Variants in SLC7A5 observed in about 807,000 individuals in gnomAD.
SLC7A5 encodes the protein large neutral amino acids transporter small subunit 1.
A neutral mutation model predicts 50.2 loss-of-function variants in SLC7A5; 23 were observed. The ratio of observed to expected loss-of-function variants is 0.46; its 90% CI spans 0.33 to 0.65. The LOEUF (loss-of-function observed/expected upper bound fraction) is 0.65. Ranked by LOEUF, SLC7A5 falls within the 30% of genes least tolerant of loss-of-function variation. SLC7A5 has a pLI of 0.02. For missense variants in SLC7A5, 578 were observed against 684.4 expected (o/e 0.84, Z 1.73); for synonymous variants, 393 against 330.6 (o/e 1.19, Z -2.05).
intron 1 of SLC7A5, among the ~76,000 whole-genome samples, chr16:87,856,059 C>T (rs991940641): frequency 2.6e-5 from 4 of 152,186 alleles, no homozygotes; most frequent in Admixed American, 6.5e-5. Flanking sequence ...CATGATCCTC[C>T]CGGGCCCCTT....
At chr16:87,859,256 G>A (rs1403967153) in intron 1 of SLC7A5, among the ~76,000 whole-genome samples, 4 of 152,168 alleles carry the variant, frequency 2.6e-5, no homozygotes, top group African/African-American at 7.2e-5. Context: ...GAGGCCCTGG[G>A]CTCTTCCAGT....
rs2055078667 is a variant in SLC7A5, at chr16:87,841,151, A to G, written c.669T>C (p.Asp223=). The change falls in exon 3 of 10, where the codon GAT becomes GAC. Residue 223 remains aspartate, a synonymous_variant. Coordinates refer to ENST00000261622, the MANE Select transcript of SLC7A5 (RefSeq NM_003486.7). This position sits in a 1 kb window ranked among gnomAD's most constrained non-coding sequence, Gnocchi z 4.8. ...AGAAGTTGGGATCTAGATTGGACAC[A>G]TCACCTGGCAGGGCCAAAGAAAGGA... is the stretch of plus-strand genomic sequence containing the variant. ...LLGFVQIGKG[D]VSNLDPNFSF... The G allele has an allele frequency of 2.5e-6, 4 of 1,606,874 alleles. No individual in the cohort carries two copies. In the African/African-American group the frequency reaches 5.3e-5, roughly 21 times the overall value.
At chr16:87,854,575 G>A (rs1344449468) in intron 1 of SLC7A5, among the ~76,000 whole-genome samples, 1 of 152,218 alleles carries the variant, frequency 6.6e-6, no homozygotes, top group African/African-American at 2.4e-5. Flanking sequence ...CCCACAGCAG[G>A]GAGATCGACA....
intron 1 of SLC7A5, among the ~76,000 whole-genome samples, chr16:87,858,269 G>A (rs2076827): frequency 0.35 from 53,135 of 151,952 alleles, 10,952 homozygotes; most frequent in African/African-American, 0.58. Context: ...CCTCGCGGAC[G>A]TGTCTTACGG....
intron 1 of SLC7A5, among the ~76,000 whole-genome samples, chr16:87,867,978 G>A (rs573587539): frequency 1.3e-4 from 20 of 151,910 alleles, no homozygotes; most frequent in African/African-American, 3.6e-4. Flanking sequence ...TTACCCGGGC[G>A]TAGTGGCGGG....
intron 8 of SLC7A5, among the ~76,000 whole-genome samples, chr16:87,836,192 G>A (rs759381379): frequency 2.0e-5 from 3 of 152,174 alleles, no homozygotes; most frequent in Admixed American, 6.5e-5. Context: ...GCTCTGCCCC[G>A]CCCCTGCCGG....
At chr16:87,859,490 C>G (rs1352724876) in intron 1 of SLC7A5, among the ~76,000 whole-genome samples, 1 of 152,158 alleles carries the variant, frequency 6.6e-6, no homozygotes, top group Non-Finnish European at 1.5e-5. Flanking sequence ...TTCTAAGCCC[C>G]GTAACTGACT....
chr16:87,835,707 T>C (rs55777228), intron 8 of SLC7A5, among the ~76,000 whole-genome samples: 38,967 of 151,970 alleles, frequency 0.26, 6,479 homozygotes, highest in East Asian at 0.73. Flanking sequence ...ATCTCCTGAC[T>C]TTGTGATCTG....
In SLC7A5 at chr16:87,862,561, CCTCT is replaced by C. The variant is rs1343309804; in HGVS notation, c.538+6320_538+6323del. 2.6e-5 allele frequency among the ~76,000 whole-genome samples: 4 copies of C among 152,260 alleles called. No individual in the cohort carries two copies. Among genetic ancestry groups the C allele is most frequent in the Admixed American group, 2.6e-4 (4 of 15,290 alleles). The stretch of plus-strand genomic sequence containing the variant: ...GGCTCCTGTCTCTGGCTCTTCCCTC[CCTCT>C]CTTTGTTCCCTTGCTCCTTCCTTCT... On this transcript the variant is annotated intron_variant, in intron 1 of 9. Transcript: ENST00000261622. The surrounding 1 kb of genome is among the most constrained non-coding windows in gnomAD (Gnocchi z 5.3).
chr16:87,867,804 C>T (rs2055481806), intron 1 of SLC7A5, among the ~76,000 whole-genome samples: 1 of 152,158 alleles, frequency 6.6e-6, no homozygotes, highest in Non-Finnish European at 1.5e-5. Context: ...GTGATTTTCC[C>T]CCTGAAATCC....
At chr16:87,836,061 C>T (rs112149288) in intron 8 of SLC7A5, among the ~76,000 whole-genome samples, 1 of 152,332 alleles carries the variant, frequency 6.6e-6, no homozygotes, top group East Asian at 1.9e-4. Context: ...CTGAATGAGC[C>T]GCTGGGGACG....
chr16:87,833,829 G>A lies in SLC7A5; in HGVS notation c.1468+585C>T, dbSNP rs2054962241. On this transcript the variant is annotated intron_variant, in intron 9 of 9. Coordinates refer to ENST00000261622, the MANE Select transcript of SLC7A5 (RefSeq NM_003486.7). This position sits in a 1 kb window ranked among gnomAD's most constrained non-coding sequence, Gnocchi z 6.0. Reference sequence around the variant, plus strand: ...ACCCCTGGGGCTGCCGCTGCACACAGGGCCGGGGGGCGGGTTTCTCCTTCT... The same window carrying A: ...ACCCCTGGGGCTGCCGCTGCACACAAGGCCGGGGGGCGGGTTTCTCCTTCT... Among the ~76,000 whole-genome samples, 1 of 151,100 alleles carries A rather than the reference G, an allele frequency of 6.6e-6. No homozygotes were observed. The highest frequency in any genetic ancestry group is 1.5e-5 in the Non-Finnish European group (1 of 67,914).
chr16:87,835,020 C>G (rs767878908), intron 8 of SLC7A5, among the ~76,000 whole-genome samples: 1 of 152,268 alleles, frequency 6.6e-6, no homozygotes, highest in African/African-American at 2.4e-5. Flanking sequence ...GAGCAAAAGC[C>G]CATCCCTGAA....
intron 2 of SLC7A5, among the ~76,000 whole-genome samples, chr16:87,844,160 G>A (rs1471560626): frequency 3.3e-5 from 5 of 150,858 alleles, no homozygotes; most frequent in African/African-American, 1.2e-4. Flanking sequence ...TCAGCGCAGA[G>A]CCTGAGTGGG....
chr16:87,839,396 G>A (rs2055055113), intron 5 of SLC7A5, among the ~76,000 whole-genome samples: 1 of 152,206 alleles, frequency 6.6e-6, no homozygotes, highest in Admixed American at 6.5e-5. Context: ...AATGACCTCT[G>A]CCCTGGACTC....
intron 2 of SLC7A5, among the ~76,000 whole-genome samples, chr16:87,844,410 G>C (rs889832721): frequency 6.6e-6 from 1 of 152,170 alleles, no homozygotes. Context: ...CTTGATCCCT[G>C]AGTCAGGCAG....
chr16:87,835,259 C>A (rs184739982), intron 8 of SLC7A5, among the ~76,000 whole-genome samples: 2 of 152,360 alleles, frequency 1.3e-5, no homozygotes, highest in East Asian at 3.9e-4. Context: ...AGGGAACAGA[C>A]GCCAACCCGT....
chr16:87,848,640 CCT>C (rs1471327363), intron 2 of SLC7A5, among the ~76,000 whole-genome samples: 2 of 152,192 alleles, frequency 1.3e-5, no homozygotes, highest in Non-Finnish European at 1.5e-5. Context: ...CAGAGTCGCC[CCT>C]GTCACTCAGC....
rs146031934 is a variant in SLC7A5 at position 87,841,623 on chromosome 16, C to T, written c.665-468G>A. ...TGGGGTGCGAGGAGCTCGGAACAGA[C>T]TGCCCTCCCTCCAGGGCTGGCAGGA... On this transcript the variant is annotated intron_variant, in intron 2 of 9. Coordinates refer to ENST00000261622, the MANE Select transcript of SLC7A5 (RefSeq NM_003486.7). This position sits in a 1 kb window ranked among gnomAD's most constrained non-coding sequence, Gnocchi z 4.8. 5.3e-3 allele frequency among the ~76,000 whole-genome samples: 807 copies of T among 152,346 alleles called. 6 individuals are homozygous for T. The highest frequency in any genetic ancestry group is 0.017 in the African/African-American group (727 of 41,586).
Sources: gnomAD v4.1 joint callset for allele counts (sites outside exome capture counted in the v4.1 genomes callset) on GRCh38, gnomAD v4.1.1 for gene constraint, Gnocchi (gnomAD v3.1) non-coding constraint, MANE v1.5 for transcripts, NCBI Gene and HGNC (gene_info 2026-07-23, HGNC 2026-07-21) for gene names.